Variants in NCOA1 observed in about 807,000 individuals in gnomAD.
The protein encoded by NCOA1 is Hin-2 protein.
In NCOA1, 35 loss-of-function variants were observed where a neutral mutation model predicts 150.9. The ratio of observed to expected loss-of-function variants is 0.23; its 90% CI spans 0.18 to 0.31. NCOA1 has a LOEUF of 0.31. Among genes scored for constraint, NCOA1 ranks in the 10% least tolerant of loss-of-function variants. The pLI is 1.00. For missense variants in NCOA1, 1,491 were observed against 1,749.3 expected, an observed-to-expected ratio of 0.85 and a Z score of 2.63; for synonymous variants, 590 against 630.0, an observed-to-expected ratio of 0.94 and a Z score of 0.95.
chr2:24,590,392 A>G (rs538103343), intron 3 of NCOA1, among the ~76,000 whole-genome samples: 118 of 152,302 alleles, frequency 7.7e-4, no homozygotes, highest in African/African-American at 2.8e-3. Flanking sequence ...TTATGCTTCT[A>G]AAACATATTA....
chr2:24,624,477 A>C (rs895075069), intron 3 of NCOA1, among the ~76,000 whole-genome samples: 2 of 152,226 alleles, frequency 1.3e-5, no homozygotes, highest in Non-Finnish European at 2.9e-5. Flanking sequence ...AAGAACAAAA[A>C]GTTTTCAATG....
intron 21 of NCOA1, among the ~76,000 whole-genome samples, chr2:24,761,067 C>G (rs959178016): frequency 6.6e-6 from 1 of 152,178 alleles, no homozygotes; most frequent in African/African-American, 2.4e-5. Context: ...AGACTGGTCT[C>G]AAACCCCTGA....
At chr2:24,580,991 A>G (rs1335537910) in intron 2 of NCOA1, among the ~76,000 whole-genome samples, 3 of 152,196 alleles carry the variant, frequency 2.0e-5, no homozygotes, top group Non-Finnish European at 2.9e-5. Flanking sequence ...TGGGGATACA[A>G]GTCCAGGTTC....
intron 1 of NCOA1, among the ~76,000 whole-genome samples, chr2:24,559,689 T>C (rs936059037): frequency 1.4e-5 from 2 of 140,620 alleles, no homozygotes; most frequent in African/African-American, 5.7e-5. Context: ...AGGAATATCC[T>C]TCTTTTCCCC....
chr2:24,622,643 T>C (rs1336089224), intron 3 of NCOA1, among the ~76,000 whole-genome samples: 1 of 152,196 alleles, frequency 6.6e-6, no homozygotes, highest in Non-Finnish European at 1.5e-5. Flanking sequence ...ATTTTGTCAG[T>C]TTTTTTAGTC....
chr2:24,720,230 A>G (rs891586936), intron 14 of NCOA1, among the ~76,000 whole-genome samples: 2 of 152,208 alleles, frequency 1.3e-5, no homozygotes, highest in Non-Finnish European at 2.9e-5. Flanking sequence ...GGTTGCCTCT[A>G]TTGAGAAGGA....
At chr2:24,509,417 G>A (rs865865597) in intron 1 of NCOA1, among the ~76,000 whole-genome samples, 7 of 152,184 alleles carry the variant, frequency 4.6e-5, no homozygotes, top group South Asian at 2.1e-4. Context: ...GATGTTGTTT[G>A]TGAAAATGCC....
chr2:24,578,708 T>C (rs1372285161), intron 2 of NCOA1, among the ~76,000 whole-genome samples: 1 of 152,158 alleles, frequency 6.6e-6, no homozygotes, highest in Non-Finnish European at 1.5e-5. Context: ...TGAGAGGTAG[T>C]ATGGTAGTAT....
intron 3 of NCOA1, among the ~76,000 whole-genome samples, chr2:24,617,968 A>G (rs1373817390): frequency 6.6e-6 from 1 of 152,224 alleles, no homozygotes; most frequent in Admixed American, 6.5e-5. Flanking sequence ...AACTTAGTGA[A>G]AAAAGATGCT....
intron 16 of NCOA1, among the ~76,000 whole-genome samples, 194 bp downstream of exon 16, chr2:24,728,670 T>C (rs1301417197): frequency 2.0e-5 from 3 of 152,336 alleles, no homozygotes; most frequent in Non-Finnish European, 4.4e-5. Flanking sequence ...GAAATAAGTC[T>C]TAGCTTTTCA....
At chr2:24,686,741 C>G (rs1007676930) in intron 8 of NCOA1, among the ~76,000 whole-genome samples, 1 of 151,958 alleles carries the variant, frequency 6.6e-6, no homozygotes, top group South Asian at 2.1e-4. Context: ...TTAAAAAAAT[C>G]GAATTAATCT....
chr2:24,717,627 G>A lies in NCOA1; in HGVS notation c.2599+6516G>A, dbSNP rs202126751. ...ATACACATATATATATATAAATCAT[G>A]TGTATGCAATGACATGTATCTATCC... On this transcript the variant is annotated intron_variant, in intron 14 of 22. Transcript: ENST00000348332. 3.9e-5 allele frequency among the ~76,000 whole-genome samples: 6 copies of A among 152,010 alleles called. No homozygotes were observed. In the East Asian group the frequency reaches 1.2e-3, roughly 29 times the overall value.
chr2:24,699,565 G>GA (rs1673055923), intron 11 of NCOA1, among the ~76,000 whole-genome samples: 5 of 150,528 alleles, frequency 3.3e-5, no homozygotes, highest in South Asian at 2.1e-4. Flanking sequence ...CTTTTTTTAG[G>GA]GAAAAAAAAT....
At chr2:24,672,037 C>A (rs1671708533) in intron 6 of NCOA1, among the ~76,000 whole-genome samples, 1 of 151,882 alleles carries the variant, frequency 6.6e-6, no homozygotes, top group African/African-American at 2.4e-5. Context: ...TCAGTAGAAT[C>A]CATGGATGTG....
At chr2:24,571,630 A>T (rs1666747688) in intron 2 of NCOA1, among the ~76,000 whole-genome samples, 2 of 151,580 alleles carry the variant, frequency 1.3e-5, no homozygotes, top group Admixed American at 6.6e-5. Flanking sequence ...TAATCCCTCT[A>T]CTCCAGTCTT....
chr2:24,623,179 C>G (rs1669252481), intron 3 of NCOA1, among the ~76,000 whole-genome samples: 1 of 152,048 alleles, frequency 6.6e-6, no homozygotes, highest in African/African-American at 2.4e-5. Context: ...ACCTCCCTAG[C>G]CAAATTCTGT....
At chr2:24,730,629 T>C (rs1441110074) in intron 17 of NCOA1, among the ~76,000 whole-genome samples, 1 of 152,048 alleles carries the variant, frequency 6.6e-6, no homozygotes, top group Non-Finnish European at 1.5e-5. Context: ...ATCTTCTCTC[T>C]CATGACAGGA....
chr2:24,565,830 A>C (rs1346392796), intron 2 of NCOA1, among the ~76,000 whole-genome samples: 1 of 151,902 alleles, frequency 6.6e-6, no homozygotes, highest in Non-Finnish European at 1.5e-5. Context: ...ACGGGCGCTC[A>C]CTCCCTGCAA....
intron 8 of NCOA1, 63 bp downstream of exon 8, chr2:24,683,191 G>A (rs1672254409): frequency 5.5e-6 from 5 of 909,346 alleles, no homozygotes; most frequent in East Asian, 3.2e-5. Context: ...TATATAATAT[G>A]TATAATATGT....
Sources: gnomAD v4.1 joint callset for allele counts (sites outside exome capture counted in the v4.1 genomes callset) on GRCh38, gnomAD v4.1.1 for gene constraint, MANE v1.5 for transcripts, NCBI Gene and HGNC (gene_info 2026-07-23, HGNC 2026-07-21) for gene names.